The following NSMF variants were observed in gnomAD, a reference collection of about 807,000 sequenced individuals.
The protein encoded by NSMF is nasal embryonic LHRH factor.
Under a neutral mutation model 71.0 loss-of-function variants are expected in NSMF, and 31 were observed. That is an observed-to-expected ratio of 0.44 (90% CI 0.33 to 0.59). The LOEUF is 0.59. Ranked by LOEUF, NSMF falls within the 20% of genes least tolerant of loss-of-function variation. The pLI is 0.04. For synonymous variants in NSMF, 345 were observed against 287.1 expected (o/e 1.20, Z -2.04); for missense variants, 673 against 740.5 (o/e 0.91, Z 1.06).
chr9:137,457,923 C>G, intron 2 of NSMF, 22 bp from the exon 3 acceptor site: 1 of 1,538,416 alleles, frequency 6.5e-7, no homozygotes, highest in Non-Finnish European at 8.7e-7. Flanking sequence ...ACTGAGTGAG[C>G]CTGCCTGCCG....
chr9:137,455,343 CGGAGGCA>C (rs1830779349), intron 5 of NSMF, 36 bp from the exon 6 acceptor site: 5 of 1,608,978 alleles, frequency 3.1e-6, no homozygotes, highest in Non-Finnish European at 3.4e-6. Context: ...TGCCCTTGGC[CGGAGGCA>C]GGAGGGACAC....
In NSMF at chr9:137,453,870, G is replaced by A. The variant is rs1388703478; in HGVS notation, c.833-50C>T. The A allele has an allele frequency of 1.3e-6, 2 of 1,494,620 alleles. No homozygotes were observed. Among genetic ancestry groups the A allele is most frequent in the Non-Finnish European group, 1.8e-6 (2 of 1,108,124 alleles). The allele number at this position is 1,494,620 out of a possible 1,614,324, so 92.6% of individuals were successfully genotyped here. On this transcript the variant is annotated intron_variant, in intron 7 of 15. Coordinates refer to ENST00000371475, the MANE Select transcript of NSMF (RefSeq NM_001130969.3). This position sits in a 1 kb window ranked among gnomAD's most constrained non-coding sequence, Gnocchi z 4.5. ...GCGAGCGGGTGGGGCGGGGCCTCGG[G>A]AGTCTCAGACCCCAGGCGAGGGGAC...
At chr9:137,455,043 T>C (rs1417989157) in intron 6 of NSMF, 196 bp downstream of exon 6, 2 of 739,920 alleles carry the variant, frequency 2.7e-6, no homozygotes, top group Non-Finnish European at 4.9e-6. Flanking sequence ...GCCCTCGGAG[T>C]GCAGGACTGA....
chr9:137,455,728 C>T, intron 4 of NSMF, 94 bp from the exon 5 acceptor site: 1 of 1,387,276 alleles, frequency 7.2e-7, no homozygotes, highest in Non-Finnish European at 1.0e-6. Context: ...CCCTACAGTT[C>T]CCTTCTTGTC....
Position 137,457,815 on chromosome 9 carries a change from C to A in NSMF, c.220G>T (p.Val74Phe). The part of the protein sequence containing the change: ...APQNKRRLSL[V>F]SNGCYEGSLS... Reference sequence around the variant, plus strand: ...CTGCCCTCGTAGCAGCCGTTGGAGACGAGGGACAGGCGGCGCTTGTTCTGG... The same window carrying A: ...CTGCCCTCGTAGCAGCCGTTGGAGAAGAGGGACAGGCGGCGCTTGTTCTGG... The change falls in exon 3 of 16, where the codon GTC (valine) becomes TTC (phenylalanine). Residue 74 changes from valine (V) to phenylalanine (F), a missense_variant. Val to Phe is a conservative substitution (Grantham distance 50). Transcript: ENST00000371475. The A allele has an allele frequency of 6.4e-7, 1 of 1,557,898 alleles. No individual in the cohort carries two copies. Among genetic ancestry groups the A allele is most frequent in the Non-Finnish European group, 8.7e-7 (1 of 1,151,008 alleles).
At chr9:137,454,707 T>C (rs1320236616) in intron 6 of NSMF, 2 of 1,504,852 alleles carry the variant, frequency 1.3e-6, no homozygotes, top group Non-Finnish European at 1.8e-6. Flanking sequence ...CCGAGCTGCA[T>C]TCCCAGGCTC....
At position 137,458,523 on chromosome 9, in the gene NSMF, A is replaced by G; in HGVS notation, c.98T>C (p.Leu33Pro). 2 of 1,599,224 alleles carry G rather than the reference A, an allele frequency of 1.3e-6. No individual in the cohort carries two copies. The highest frequency in any genetic ancestry group is 1.7e-6 in the Non-Finnish European group (2 of 1,174,710). The part of the protein sequence containing the change: ...VRAARAFGEY[L>P]SQSHPENRNG... ...GCGGTTCTCAGGGTGACTCTGGGAC[A>G]GGTACTCTCCAAACGCTCGGGCTGC... Residue 33 changes from leucine (L) to proline (P), a missense_variant, in exon 2 of 16, where the codon CTG becomes CCG. By Grantham distance (98) the Leu-to-Pro change is moderately conservative. Coordinates refer to ENST00000371475, the MANE Select transcript of NSMF (RefSeq NM_001130969.3).
intron 5 of NSMF, 83 bp downstream of exon 5, chr9:137,455,546 C>T (rs1830790701): frequency 2.7e-6 from 4 of 1,477,696 alleles, no homozygotes; most frequent in Non-Finnish European, 3.7e-6. Context: ...AGGTCCCTGG[C>T]CTGCCCAAAC....
Position 137,457,407 on chromosome 9 carries a change from C to T in NSMF, c.628G>A (p.Asp210Asn). The change falls in exon 3 of 16, where the codon GAC becomes AAC. Residue 210 changes from aspartate to asparagine, a missense_variant and splice_region_variant. Asp to Asn is a conservative substitution (Grantham distance 23, BLOSUM62 1). Coordinates refer to ENST00000371475, the MANE Select transcript of NSMF (RefSeq NM_001130969.3). ...ERMYSVDRVS[D>N]DIPIRTWFPK... is the part of the protein sequence containing the mutation. ...CTATGCCCTGACACAAACCCCTCACCAGACACACGGTCAACGCTGTACATC... is the reference window on the plus strand; with the variant it reads ...CTATGCCCTGACACAAACCCCTCACTAGACACACGGTCAACGCTGTACATC... 1 of 1,612,940 alleles carries T rather than the reference C, an allele frequency of 6.2e-7. No individual in the cohort carries two copies. Among genetic ancestry groups the T allele is most frequent in the Non-Finnish European group, 8.5e-7 (1 of 1,179,998 alleles).
At position 137,453,232 on chromosome 9, in the gene NSMF, C is replaced by T. The variant is rs762647443; in HGVS notation, c.923-52G>A. ...AGCAGGCCCGGCAGCACCTCCTATC[C>T]TGGCCATGGCCCCAAGGCCCACAGG... On this transcript the variant is annotated intron_variant, in intron 8 of 15. Transcript: ENST00000371475. This position sits in a 1 kb window ranked among gnomAD's most constrained non-coding sequence, Gnocchi z 4.5. 14 of 1,607,720 alleles carry T rather than the reference C, an allele frequency of 8.7e-6. No individual in the cohort carries two copies. The highest frequency in any genetic ancestry group is 1.7e-4 in the Middle Eastern group (1 of 5,970).
rs1007195517 is a variant in NSMF, at chr9:137,454,776, G to C, written c.780-333C>G. On this transcript the variant is annotated intron_variant, in intron 6 of 15. Coordinates refer to ENST00000371475, the MANE Select transcript of NSMF (RefSeq NM_001130969.3). ...GAGCCTCCACGCCCATGTGGCAGAG[G>C]ATCCAGCCTGCCTGCGCTGCAGCAG... is the stretch of plus-strand genomic sequence containing the variant. 2.8e-6 allele frequency: 4 copies of C among 1,407,604 alleles called. No individual in the cohort carries two copies. The African/African-American group carries it at 4.3e-5, about 15-fold the overall frequency. The allele number at this position is 1,407,604 out of a possible 1,614,324, so 87.2% of individuals were successfully genotyped here. A position where few individuals can be genotyped will look rare whatever the true frequency, so the allele number is the denominator to read the frequency against.
intron 5 of NSMF, 137 bp from the exon 6 acceptor site, chr9:137,455,444 A>G (rs1000783252): frequency 2.6e-6 from 3 of 1,151,886 alleles, no homozygotes; most frequent in Middle Eastern, 1.9e-4. Flanking sequence ...AGCCTGCCTC[A>G]CCTGTCGAGG....
intron 5 of NSMF, 56 bp from the exon 6 acceptor site, chr9:137,455,363 ACGTC>A: frequency 6.3e-7 from 1 of 1,584,462 alleles, no homozygotes; most frequent in Middle Eastern, 1.7e-4. Context: ...AGGGACACAG[ACGTC>A]GGGACAGTGG....
chr9:137,457,259 A>G, intron 3 of NSMF, 148 bp downstream of exon 3: 1 of 1,175,320 alleles, frequency 8.5e-7, no homozygotes, highest in Non-Finnish European at 1.2e-6. Flanking sequence ...CCGCAGCAGA[A>G]GCCTGCCGGT....
intron 11 of NSMF, 56 bp downstream of exon 11, chr9:137,452,497 G>GT: frequency 6.2e-7 from 1 of 1,612,164 alleles, no homozygotes; most frequent in Non-Finnish European, 8.5e-7. Context: ...ACCCCCACCT[G>GT]TGTCTGCCCC....
intron 4 of NSMF, 55 bp from the exon 5 acceptor site, chr9:137,455,689 C>T: frequency 6.5e-7 from 1 of 1,547,034 alleles, no homozygotes; most frequent in Non-Finnish European, 8.7e-7. Context: ...TGAGCTCAAC[C>T]CCGGGCCTCC....
rs28699612 is a variant in NSMF at position 137,449,876 on chromosome 9, G to A, written c.1419+47C>T. 0.21 allele frequency: 309,716 copies of A among 1,503,060 alleles called. 35,683 individuals are homozygous for A. Among genetic ancestry groups the A allele is most frequent in the East Asian group, 0.48 (21,157 of 44,306 alleles). The allele number at this position is 1,503,060 out of a possible 1,614,324, so 93.1% of individuals were successfully genotyped here. The stretch of plus-strand genomic sequence containing the variant: ...GGAAGGCTCTGCCCTGTCTGTCCAC[G>A]TCGGGGGTTTCCAGAGGTCTGGGGT... On this transcript the variant is annotated intron_variant, in intron 14 of 15. Transcript: ENST00000371475.
Position 137,454,992 on chromosome 9 carries a change from G to A in NSMF, c.779+247C>T, listed in dbSNP as rs897326388. 4.2e-5 allele frequency: 30 copies of A among 719,224 alleles called. No individual in the cohort carries two copies. In the Admixed American group the frequency reaches 5.7e-4, roughly 14 times the overall value. 44.6% of individuals were successfully genotyped at this position (719,224 alleles called of 1,614,324 possible). On this transcript the variant is annotated intron_variant, in intron 6 of 15. Coordinates refer to ENST00000371475, the MANE Select transcript of NSMF (RefSeq NM_001130969.3). ...ACATCTGTGTGATTGGAGTGGGGGA[G>A]GGGGGCCTTGCTGCTGGCCCCAGCC...
chr9:137,454,546 T>A (rs1564264956), intron 6 of NSMF, 103 bp from the exon 7 acceptor site: 1 of 1,548,814 alleles, frequency 6.5e-7, no homozygotes, highest in African/African-American at 1.4e-5. Flanking sequence ...ACCCCTTCGG[T>A]GTGGGAAGCC....
Sources: allele counts gnomAD v4.1 joint callset, GRCh38; gene constraint gnomAD v4.1.1; non-coding constraint Gnocchi (gnomAD v3.1); transcripts MANE v1.5; gene names NCBI Gene and HGNC (gene_info 2026-07-23, HGNC 2026-07-21).